The following GDA variants were observed in gnomAD, a reference collection of about 807,000 sequenced individuals.
GDA encodes the protein cytoplasmic PSD-95 interactor.
In GDA, 18 loss-of-function variants were observed where a neutral mutation model predicts 59.6. The observed-to-expected ratio is 0.30, with a 90% CI of 0.21 to 0.45. The LOEUF (loss-of-function observed/expected upper bound fraction) is 0.45. Among genes scored for constraint, GDA ranks in the 20% least tolerant of loss-of-function variants. The pLI, the probability that GDA is intolerant of heterozygous loss-of-function variation, is 1.00. For missense variants in GDA, 427 were observed against 552.3 expected, an observed-to-expected ratio of 0.77 and a Z score of 2.27; for synonymous variants, 201 against 201.1, an observed-to-expected ratio of 1.00 and a Z score of 0.00.
intron 1 of GDA, among the ~76,000 whole-genome samples, chr9:72,172,063 T>A (rs974868560): frequency 1.8e-4 from 28 of 152,224 alleles, no homozygotes; most frequent in South Asian, 8.3e-4. Context: ...ACCTAAAAAA[T>A]TTATGCACAT....
intron 1 of GDA, among the ~76,000 whole-genome samples, chr9:72,162,660 A>ATT (rs112825046): frequency 1.4e-5 from 2 of 145,540 alleles, no homozygotes; most frequent in Non-Finnish European, 3.0e-5. Flanking sequence ...CAGATTTACA[A>ATT]TTTTTTTTTT....
intron 1 of GDA, among the ~76,000 whole-genome samples, chr9:72,174,181 G>T (rs547494826): frequency 1.3e-5 from 2 of 152,154 alleles, no homozygotes; most frequent in Non-Finnish European, 2.9e-5. Context: ...TGCTCATTAG[G>T]ATTTCTCATG....
chr9:72,227,622 T>A (rs1000303987), intron 8 of GDA, among the ~76,000 whole-genome samples: 1 of 152,096 alleles, frequency 6.6e-6, no homozygotes, highest in Non-Finnish European at 1.5e-5. Flanking sequence ...GATGAGAAAA[T>A]CATGTTATCT....
intron 4 of GDA, among the ~76,000 whole-genome samples, chr9:72,213,631 G>A (rs534939210): frequency 6.6e-5 from 10 of 151,448 alleles, no homozygotes; most frequent in East Asian, 2.0e-4. Flanking sequence ...GTGAAACCCC[G>A]TCTCTACTAA....
intron 2 of GDA, among the ~76,000 whole-genome samples, chr9:72,196,557 TTGA>T (rs1172774593): frequency 6.6e-6 from 1 of 152,156 alleles, no homozygotes; most frequent in Non-Finnish European, 1.5e-5. Context: ...AAAACTTTTT[TTGA>T]TTATAATTTT....
At chr9:72,213,727 T>C (rs532688020) in intron 4 of GDA, among the ~76,000 whole-genome samples, 159 bp from the exon 5 acceptor site, 29 of 146,816 alleles carry the variant, frequency 2.0e-4, no homozygotes, top group Admixed American at 3.5e-4. Flanking sequence ...GGCATGAACC[T>C]GGGAGGCGGA....
chr9:72,192,104 C>T (rs1380474359), intron 1 of GDA, among the ~76,000 whole-genome samples: 3 of 151,942 alleles, frequency 2.0e-5, no homozygotes, highest in Non-Finnish European at 4.4e-5. Flanking sequence ...TTCCTACCTC[C>T]TCTTTAGAAG....
At position 72,250,679 on chromosome 9, in the gene GDA, A is replaced by C; in HGVS notation, c.*2337A>C. On this transcript the variant is annotated 3_prime_UTR_variant, in exon 14 of 14. Transcript: ENST00000358399. ...TGCCTAATGTAGGTTGACTTTCTGA[A>C]TTGTGGAGAGGCACTTTTCCAAGCC... 1.9e-6 allele frequency: 3 copies of C among 1,610,072 alleles called. No individual in the cohort carries two copies. The highest frequency in any genetic ancestry group is 2.5e-6 in the Non-Finnish European group (3 of 1,178,762).
chr9:72,159,162 G>A (rs1329827497), intron 1 of GDA, among the ~76,000 whole-genome samples: 2 of 152,092 alleles, frequency 1.3e-5, no homozygotes, highest in African/African-American at 2.4e-5. Context: ...ATACAAAAAC[G>A]AGGCAGGCAG....
At chr9:72,211,074 T>G (rs1046607838) in intron 4 of GDA, among the ~76,000 whole-genome samples, 15 of 152,314 alleles carry the variant, frequency 9.8e-5, no homozygotes, top group African/African-American at 3.6e-4. Flanking sequence ...TGTGTATTAA[T>G]TTAGGGCTTT....
Position 72,121,052 on chromosome 9 carries a change from C to G in GDA, c.-100+6219C>G, listed in dbSNP as rs1488338366. Among the ~76,000 whole-genome samples, 5 of 152,278 alleles carry G rather than the reference C, an allele frequency of 3.3e-5. No homozygotes were observed. In the East Asian group the frequency reaches 9.6e-4, roughly 29 times the overall value. On this transcript the variant is annotated intron_variant, in intron 1 of 13. Coordinates refer to the GDA transcript ENST00000545168. ...CTTCAACCACAGGCGTTTCAATACC[C>G]TCTCGAGAAGCATATAAATAGCATT... is the stretch of plus-strand genomic sequence containing the variant.
intron 12 of GDA, 118 bp downstream of exon 12, chr9:72,245,396 A>G: frequency 4.2e-6 from 3 of 706,802 alleles, no homozygotes; most frequent in Non-Finnish European, 7.4e-6. Flanking sequence ...AAATCTTAAA[A>G]TGGACGCTAG....
downstream of GDA, among the ~76,000 whole-genome samples, chr9:72,256,490 G>C (rs974340976): frequency 6.6e-6 from 1 of 152,228 alleles, no homozygotes; most frequent in African/African-American, 2.4e-5. Flanking sequence ...ATAGTCCGCA[G>C]AGAATACATA....
rs1564025002 is a variant in GDA, at chr9:72,198,862, A to ATATATATATATATATATAT, written c.212+3274_212+3275insTATATATATATATATATAT. On this transcript the variant is annotated intron_variant, in intron 2 of 13. Transcript: ENST00000358399. ...ATATAGGGGGATATATATATATATA[A>ATATATATATATATATATAT]AATTTTTTTTGCTCAGGTTATGATA... 3.1e-3 allele frequency among the ~76,000 whole-genome samples: 284 copies of ATATATATATATATATATAT among 91,770 alleles called. 7 individuals are homozygous for ATATATATATATATATATAT. The highest frequency in any genetic ancestry group is 0.01 in the African/African-American group (263 of 25,778). The allele number at this position is 91,770 out of a possible 152,430, so 60.2% of individuals were successfully genotyped here. A position where few individuals can be genotyped will look rare whatever the true frequency, so the allele number is the denominator to read the frequency against.
At chr9:72,174,796 A>C (rs565574880) in intron 1 of GDA, among the ~76,000 whole-genome samples, 2 of 152,228 alleles carry the variant, frequency 1.3e-5, no homozygotes, top group African/African-American at 4.8e-5. Context: ...AGACAGACAG[A>C]GACAGAGAGA....
chr9:72,255,193 C>T (rs1840856958), downstream of GDA, among the ~76,000 whole-genome samples: 1 of 152,202 alleles, frequency 6.6e-6, no homozygotes. Flanking sequence ...TTTATACTCA[C>T]TTAAACCTGC....
intron 1 of GDA, among the ~76,000 whole-genome samples, chr9:72,152,367 G>A (rs1827320180): frequency 6.6e-6 from 1 of 152,154 alleles, no homozygotes; most frequent in Admixed American, 6.5e-5. Context: ...TCAAAAGCAG[G>A]TTAATTAAAA....
At chr9:72,199,211 G>T (rs79416213) in intron 2 of GDA, among the ~76,000 whole-genome samples, 1,636 of 152,194 alleles carry the variant, frequency 0.011, 36 homozygotes, top group African/African-American at 0.038. Context: ...ATGAGCAGGT[G>T]GGCTCACTGA....
At chr9:72,123,132 C>T (rs1213709662) in intron 1 of GDA, among the ~76,000 whole-genome samples, 1 of 151,776 alleles carries the variant, frequency 6.6e-6, no homozygotes, top group Non-Finnish European at 1.5e-5. Flanking sequence ...CTTATCTCCC[C>T]ATGATCGAGA....
Sources: gnomAD v4.1 joint callset for allele counts (sites outside exome capture counted in the v4.1 genomes callset) on GRCh38, gnomAD v4.1.1 for gene constraint, MANE v1.5 for transcripts, NCBI Gene and HGNC (gene_info 2026-07-23, HGNC 2026-07-21) for gene names.